C14orf119: variants seen among roughly 807,000 people sequenced by gnomAD.
C14orf119 encodes chromosome 14 open reading frame 119.
C14orf119 carries 17 observed loss-of-function variants against 13.5 expected under a neutral mutation model. That is an observed-to-expected ratio of 1.26 (90% CI 0.86 to 1.88). The LOEUF (loss-of-function observed/expected upper bound fraction) is 1.88, where lower values mean the gene tolerates loss of function less well. Among genes scored for constraint, C14orf119 ranks in the 40% most tolerant of loss-of-function variants. C14orf119 has a pLI of 0.00. For missense variants in C14orf119, 162 were observed against 165.9 expected, an observed-to-expected ratio of 0.98 and a Z score of 0.13; for synonymous variants, 61 against 61.9, an observed-to-expected ratio of 0.99 and a Z score of 0.07.
At position 23,099,454 on chromosome 14, in the gene C14orf119, G is replaced by A. The variant is rs1350309561; in HGVS notation, c.*1373G>A. The A allele has an allele frequency of 7.3e-6, 3 of 413,348 alleles. No individual in the cohort carries two copies. The highest frequency in any genetic ancestry group is 4.4e-5 in the Admixed American group (1 of 22,712). The allele number at this position is 413,348 out of a possible 1,614,324, so 25.6% of individuals were successfully genotyped here. Reference sequence around the variant, plus strand: ...GAGTCCCATGGACAGCCTTAGGTGGGTCATGGAGGGATTATGGTCTGAAGT... The same window carrying A: ...GAGTCCCATGGACAGCCTTAGGTGGATCATGGAGGGATTATGGTCTGAAGT... On this transcript the variant is annotated 3_prime_UTR_variant, in exon 2 of 2. Transcript: ENST00000319074.
rs2048401123 is a variant in C14orf119 at position 23,098,134 on chromosome 14, A to G, written c.*53A>G. On this transcript the variant is annotated 3_prime_UTR_variant, in exon 2 of 2. Coordinates refer to ENST00000319074, the MANE Select transcript of C14orf119 (RefSeq NM_017924.4). ...ATAGCTGATGGAGCCATGACTCTCT[A>G]CAATGATAACTCAATTCAAATGTGT... The G allele has an allele frequency of 9.7e-6, 15 of 1,552,122 alleles. No homozygotes were observed. In the South Asian group the frequency reaches 1.4e-4, roughly 15 times the overall value.
Position 23,098,259 on chromosome 14 carries a change from C to T in C14orf119, c.*178C>T, listed in dbSNP as rs2048402092. 2 of 641,104 alleles carry T rather than the reference C, an allele frequency of 3.1e-6. No homozygotes were observed. The highest frequency in any genetic ancestry group is 5.5e-6 in the Non-Finnish European group (2 of 365,976). The allele number at this position is 641,104 out of a possible 1,614,324, so 39.7% of individuals were successfully genotyped here. On this transcript the variant is annotated 3_prime_UTR_variant, in exon 2 of 2. Transcript: ENST00000319074. ...CATTAATAGCATGTCAACTGGACTC[C>T]TATTTGTAAATGTTATCAATCTAAG...
At chr14:23,095,881 G>C (rs2048363191) in intron 1 of C14orf119, among the ~76,000 whole-genome samples, 1 of 152,300 alleles carries the variant, frequency 6.6e-6, no homozygotes, top group East Asian at 1.9e-4. Context: ...CGCTGAACTT[G>C]AGTTTGAGTT....
intron 1 of C14orf119, among the ~76,000 whole-genome samples, chr14:23,096,394 C>G (rs2331832): frequency 6.6e-6 from 1 of 151,330 alleles, no homozygotes; most frequent in African/African-American, 2.4e-5. Flanking sequence ...TGGCGTACGC[C>G]TATAGTCCCA....
In C14orf119 at chr14:23,096,399, G is replaced by A. The variant is rs544813358; in HGVS notation, c.-2+780G>A. 2.9e-3 allele frequency among the ~76,000 whole-genome samples: 439 copies of A among 150,956 alleles called. 1 individual carries two copies. The highest frequency in any genetic ancestry group is 4.1e-3 in the Non-Finnish European group (279 of 67,832). ...CCGGGCGTGGTGGCGTACGCCTATA[G>A]TCCCAGCTACTCGGGAGGCTGAGGC... On this transcript the variant is annotated intron_variant, in intron 1 of 1. Transcript: ENST00000319074.
chr14:23,098,169 C>T lies in C14orf119; in HGVS notation c.*88C>T. The stretch of plus-strand genomic sequence containing the variant: ...CTCAATTCAAATGTGTCGCCTAAAG[C>T]TCTGGAACTGGTATTCCAACCAGCT... On this transcript the variant is annotated 3_prime_UTR_variant, in exon 2 of 2. Transcript: ENST00000319074. 1 of 1,426,304 alleles carries T rather than the reference C, an allele frequency of 7.0e-7. No homozygotes were observed. The highest frequency in any genetic ancestry group is 9.6e-7 in the Non-Finnish European group (1 of 1,040,592). 88.4% of individuals were successfully genotyped at this position (1,426,304 alleles called of 1,614,324 possible).
Position 23,097,875 on chromosome 14 carries a change from C to A in C14orf119, c.217C>A (p.Leu73Met). Residue 73 changes from leucine to methionine, a missense_variant, in exon 2 of 2, where the codon CTG (leucine) becomes ATG (methionine). By Grantham distance (15) the Leu-to-Met change is conservative. Coordinates refer to ENST00000319074, the MANE Select transcript of C14orf119 (RefSeq NM_017924.4). Reference protein sequence around the residue: ...AKAVPEKLQPLLDSLEQLSVS... With the variant: ...AKAVPEKLQPMLDSLEQLSVS... The stretch of plus-strand genomic sequence containing the variant: ...GGCAGTGCCAGAAAAATTACAACCA[C>A]TGCTGGATAGTCTGGAGCAGCTTAG... The A allele has an allele frequency of 6.2e-7, 1 of 1,614,186 alleles. No individual in the cohort carries two copies. Among genetic ancestry groups the A allele is most frequent in the Non-Finnish European group, 8.5e-7 (1 of 1,180,004 alleles).
In C14orf119 at chr14:23,099,440, A is replaced by G. The variant is rs1173988809; in HGVS notation, c.*1359A>G. 1 of 413,380 alleles carries G rather than the reference A, an allele frequency of 2.4e-6. No homozygotes were observed. The highest frequency in any genetic ancestry group is 4.4e-6 in the Non-Finnish European group (1 of 226,150). 25.6% of individuals were successfully genotyped at this position (413,380 alleles called of 1,614,324 possible). A position where few individuals can be genotyped will look rare whatever the true frequency, so the allele number is the denominator to read the frequency against. On this transcript the variant is annotated 3_prime_UTR_variant, in exon 2 of 2. Coordinates refer to ENST00000319074, the MANE Select transcript of C14orf119 (RefSeq NM_017924.4). ...AGCAGCATTAGGCAGAGTCCCATGG[A>G]CAGCCTTAGGTGGGTCATGGAGGGA...
At position 23,097,931 on chromosome 14, in the gene C14orf119, CTT is replaced by C. The variant is rs1198684542; in HGVS notation, c.275_276del (p.Phe92Ter). The C allele has an allele frequency of 1.7e-5, 28 of 1,614,050 alleles. No homozygotes were observed. The highest frequency in any genetic ancestry group is 2.2e-5 in the Non-Finnish European group (26 of 1,180,006). On this transcript the variant is annotated frameshift_variant, in exon 2 of 2. Coordinates refer to ENST00000319074, the MANE Select transcript of C14orf119 (RefSeq NM_017924.4). LOFTEE classifies it high-confidence loss of function. ...VSGADRPPSIFECQLHLWDQW... is the reference protein window; with the variant it reads ...VSGADRPPSIXECQLHLWDQW... ...CTGGGGCAGACCGACCACCTTCTAT[CTT>C]TGAGTGCCAGCTACATCTTTGGGAT...
Position 23,099,261 on chromosome 14 carries a change from C to G in C14orf119, c.*1180C>G. Reference sequence around the variant, plus strand: ...CAAGAAATTATTCTCTTCCTTACCCCCTGTCATGTTCTGGGCAACATCACA... The same window carrying G: ...CAAGAAATTATTCTCTTCCTTACCCGCTGTCATGTTCTGGGCAACATCACA... On this transcript the variant is annotated 3_prime_UTR_variant, in exon 2 of 2. Transcript: ENST00000319074. 3 of 413,448 alleles carry G rather than the reference C, an allele frequency of 7.3e-6. No individual in the cohort carries two copies. The allele number at this position is 413,448 out of a possible 1,614,324, so 25.6% of individuals were successfully genotyped here.
At chr14:23,097,266 T>C (rs2048390912) in intron 1 of C14orf119, among the ~76,000 whole-genome samples, 2 of 152,338 alleles carry the variant, frequency 1.3e-5, no homozygotes, top group South Asian at 4.1e-4. Context: ...AATGTGTGCA[T>C]TTTCATTTTG....
At position 23,098,622 on chromosome 14, in the gene C14orf119, T is replaced by G. The variant is rs949325685; in HGVS notation, c.*541T>G. ...TCAGGAGAGGGAGATAATTAGTTGC[T>G]TCCTCCTTCACACTGTTTGAATCGA... On this transcript the variant is annotated 3_prime_UTR_variant, in exon 2 of 2. Coordinates refer to ENST00000319074, the MANE Select transcript of C14orf119 (RefSeq NM_017924.4). 2 of 171,114 alleles carry G rather than the reference T, an allele frequency of 1.2e-5. No homozygotes were observed. The highest frequency in any genetic ancestry group is 1.4e-5 in the Non-Finnish European group (1 of 70,378). 10.6% of individuals were successfully genotyped at this position (171,114 alleles called of 1,614,324 possible). A position where few individuals can be genotyped will look rare whatever the true frequency, so the allele number is the denominator to read the frequency against.
Position 23,097,735 on chromosome 14 carries a change from C to T in C14orf119, c.77C>T (p.Pro26Leu), listed in dbSNP as rs1476341681. Residue 26 changes from proline to leucine, a missense_variant, in exon 2 of 2, where the codon CCT becomes CTT. Pro to Leu is a moderately conservative substitution (Grantham distance 98). Transcript: ENST00000319074. ...CCCTCAGTACCACACAATACTAACC[C>T]TTCCCCTCCTCTGATGTCTTACATC... ...LLPSVPHNTN[P>L]SPPLMSYITS... 1.2e-6 allele frequency: 2 copies of T among 1,614,066 alleles called. No individual in the cohort carries two copies. The highest frequency in any genetic ancestry group is 1.6e-4 in the Middle Eastern group (1 of 6,062).
intron 1 of C14orf119, among the ~76,000 whole-genome samples, chr14:23,096,339 A>G (rs2048371145): frequency 6.6e-6 from 1 of 151,620 alleles, no homozygotes; most frequent in African/African-American, 2.4e-5. Flanking sequence ...CAATATGGTG[A>G]AACCCCGTCT....
Position 23,097,740 on chromosome 14 carries a change from C to T in C14orf119, c.82C>T (p.Pro28Ser), listed in dbSNP as rs568859895. 1.4e-5 allele frequency: 22 copies of T among 1,614,022 alleles called. No individual in the cohort carries two copies. In the Admixed American group the frequency reaches 2.7e-4, roughly 20 times the overall value. The change falls in exon 2 of 2, where the codon CCT (proline) becomes TCT (serine). Residue 28 changes from proline to serine, a missense_variant. By Grantham distance (74) the Pro-to-Ser change is moderately conservative. Coordinates refer to ENST00000319074, the MANE Select transcript of C14orf119 (RefSeq NM_017924.4). ...AGTACCACACAATACTAACCCTTCC[C>T]CTCCTCTGATGTCTTACATCACCTC... ...PSVPHNTNPS[P>S]PLMSYITSQE...
rs2048408611 is a variant in C14orf119 at position 23,099,002 on chromosome 14, T to C, written c.*921T>C. 1 of 248,698 alleles carries C rather than the reference T, an allele frequency of 4.0e-6. No individual in the cohort carries two copies. The highest frequency in any genetic ancestry group is 1.8e-4 in the South Asian group (1 of 5,598). 15.4% of individuals were successfully genotyped at this position (248,698 alleles called of 1,614,324 possible). A position where few individuals can be genotyped will look rare whatever the true frequency, so the allele number is the denominator to read the frequency against. ...CATATGTATGTGATATTCTTGGAACTGGTAGCAGGTGTTCCTATTCTGTAA... is the reference window on the plus strand; with the variant it reads ...CATATGTATGTGATATTCTTGGAACCGGTAGCAGGTGTTCCTATTCTGTAA... On this transcript the variant is annotated 3_prime_UTR_variant, in exon 2 of 2. Coordinates refer to ENST00000319074, the MANE Select transcript of C14orf119 (RefSeq NM_017924.4).
At chr14:23,097,447 C>CA (rs2048393284) in intron 1 of C14orf119, among the ~76,000 whole-genome samples, 1 of 152,046 alleles carries the variant, frequency 6.6e-6, no homozygotes, top group Non-Finnish European at 1.5e-5. Context: ...AAAAGGCAGG[C>CA]AAATAGGAAA....
At chr14:23,096,805 G>A (rs2048383483) in intron 1 of C14orf119, among the ~76,000 whole-genome samples, 1 of 152,028 alleles carries the variant, frequency 6.6e-6, no homozygotes, top group South Asian at 2.1e-4. Flanking sequence ...TCGAACACCT[G>A]GGCTCAAGCG....
rs1005726737 is a variant in C14orf119 at position 23,099,304 on chromosome 14, A to T, written c.*1223A>T. On this transcript the variant is annotated 3_prime_UTR_variant, in exon 2 of 2. Transcript: ENST00000319074. ...ACATCACACCTCCCTTATTCCTCTAACTGGGACCCTTGTGCTGTGGAGCTC... is the reference window on the plus strand; with the variant it reads ...ACATCACACCTCCCTTATTCCTCTATCTGGGACCCTTGTGCTGTGGAGCTC... 6.5e-5 allele frequency: 27 copies of T among 413,292 alleles called. No individual in the cohort carries two copies. In the East Asian group the frequency reaches 9.6e-4, roughly 15 times the overall value. 25.6% of individuals were successfully genotyped at this position (413,292 alleles called of 1,614,324 possible).
Sources: gnomAD v4.1 joint callset for allele counts (sites outside exome capture counted in the v4.1 genomes callset) on GRCh38, gnomAD v4.1.1 for gene constraint, MANE v1.5 for transcripts, NCBI Gene and HGNC (gene_info 2026-07-23, HGNC 2026-07-21) for gene names.